Variants in SMARCB1 observed in about 807,000 individuals in gnomAD.
SMARCB1 encodes SWI/SNF related BAF chromatin remodeling complex subunit B1, also known as SWI/SNF-related matrix-associated actin-dependent regulator of chromatin subfamily B member 1.
SMARCB1 carries 5 observed loss-of-function variants against 49.0 expected under a neutral mutation model. That is an observed-to-expected ratio of 0.10 (90% CI 0.05 to 0.21). SMARCB1 has a LOEUF of 0.21. SMARCB1 is among the 10% of genes least tolerant of loss of function. The pLI is 1.00. For missense variants in SMARCB1, 226 were observed against 509.2 expected (o/e 0.44, Z 5.35); for synonymous variants, 201 against 200.1 (o/e 1.00, Z -0.04).
In SMARCB1 at chr22:23,787,125, T is replaced by G; in HGVS notation, c.-45T>G. The G allele has an allele frequency of 7.9e-7, 1 of 1,263,636 alleles. No homozygotes were observed. The allele number at this position is 1,263,636 out of a possible 1,614,324, so 78.3% of individuals were successfully genotyped here. On this transcript the variant is annotated 5_prime_UTR_variant, in exon 1 of 9. Transcript: ENST00000644036. Reference sequence around the variant, plus strand: ...CGCCCCGGCCCCGCCCCAGCCCTCCTGATCCCTCGCAGCCCGGCTCCGGCC... The same window carrying G: ...CGCCCCGGCCCCGCCCCAGCCCTCCGGATCCCTCGCAGCCCGGCTCCGGCC...
chr22:23,803,565 G>A (rs879051817), intron 5 of SMARCB1, 143 bp downstream of exon 5: 9 of 934,242 alleles, frequency 9.6e-6, no homozygotes, highest in East Asian at 2.6e-5. Flanking sequence ...GAGGGTGTGG[G>A]CTCTGGGTTC....
chr22:23,793,310 G>A (rs537270544), intron 2 of SMARCB1: 51 of 572,174 alleles, frequency 8.9e-5, no homozygotes, highest in African/African-American at 7.8e-4. Context: ...CCTCTGCCCC[G>A]AGCCAGTGCT....
chr22:23,808,469 G>C (rs1929654956), intron 5 of SMARCB1, among the ~76,000 whole-genome samples: 1 of 151,878 alleles, frequency 6.6e-6, no homozygotes, highest in Admixed American at 6.6e-5. Context: ...TGTTAGCCAG[G>C]ATGGTCTCGA....
At chr22:23,807,365 C>T (rs1367991684) in intron 5 of SMARCB1, among the ~76,000 whole-genome samples, 3 of 152,018 alleles carry the variant, frequency 2.0e-5, no homozygotes, top group African/African-American at 4.8e-5. Context: ...GGGCAGATCA[C>T]TTTACCCCGG....
At chr22:23,800,560 T>C (rs1329564983) in intron 3 of SMARCB1, among the ~76,000 whole-genome samples, 8 of 152,186 alleles carry the variant, frequency 5.3e-5, no homozygotes, top group Non-Finnish European at 1.2e-4. Flanking sequence ...TCCTTGCTGC[T>C]GCCCGTGCCC....
At chr22:23,812,636 T>G (rs934788729) in intron 5 of SMARCB1, among the ~76,000 whole-genome samples, 1 of 152,154 alleles carries the variant, frequency 6.6e-6, no homozygotes, top group African/African-American at 2.4e-5. Context: ...TGTGACCAAG[T>G]GGGATTTATT....
chr22:23,813,089 A>T (rs5760043), intron 5 of SMARCB1, among the ~76,000 whole-genome samples: 140,934 of 152,218 alleles, frequency 0.93, 65,389 homozygotes, highest in Middle Eastern at 0.97. Context: ...AATGTCTCGA[A>T]CTCCTGACCA....
intron 4 of SMARCB1, chr22:23,801,741 ATC>A (rs1471129438): frequency 5.2e-5 from 12 of 231,432 alleles, no homozygotes; most frequent in South Asian, 4.3e-4. Flanking sequence ...CTTCTGGTTA[ATC>A]TCTCAGGATC....
chr22:23,834,216 C>T lies in SMARCB1; in HGVS notation c.*36C>T, dbSNP rs2146045817. 3 of 1,564,474 alleles carry T rather than the reference C, an allele frequency of 1.9e-6. No individual in the cohort carries two copies. Among genetic ancestry groups the T allele is most frequent in the Non-Finnish European group, 2.6e-6 (3 of 1,153,800 alleles). ...AGCACACGGCTCCCACGGAGCATCT[C>T]AGAAGATTGGGCCGCCTCTCCTCCA... On this transcript the variant is annotated 3_prime_UTR_variant, in exon 9 of 9. Transcript: ENST00000644036.
chr22:23,814,093 G>A (rs1930038244), intron 5 of SMARCB1, among the ~76,000 whole-genome samples: 2 of 152,094 alleles, frequency 1.3e-5, no homozygotes, highest in South Asian at 4.1e-4. Context: ...GCCTCCCAAA[G>A]TGCTGGGATT....
In SMARCB1 at chr22:23,837,219, TGCCCCAG is replaced by T; in HGVS notation, c.*3045_*3051del. 6.3e-7 allele frequency: 1 copy of T among 1,577,506 alleles called. No homozygotes were observed. The highest frequency in any genetic ancestry group is 1.4e-5 in the African/African-American group (1 of 73,826). ...CCCAGAGTCCTAGACCAGCAGAGCC[TGCCCCAG>T]GCCCCCATCCACAGCCTGGTGGCCC... On this transcript the variant is annotated 3_prime_UTR_variant, in exon 9 of 9. Coordinates refer to ENST00000644036, the MANE Select transcript of SMARCB1 (RefSeq NM_003073.5).
chr22:23,798,574 C>T (rs1016914038), intron 3 of SMARCB1, among the ~76,000 whole-genome samples: 5 of 152,114 alleles, frequency 3.3e-5, no homozygotes, highest in Admixed American at 6.6e-5. Flanking sequence ...CCCCTACCAG[C>T]GATCAAGGGG....
At chr22:23,818,137 G>GTGTGT (rs2029884087) in intron 6 of SMARCB1, 2 of 132,924 alleles carry the variant, frequency 1.5e-5, no homozygotes, top group African/African-American at 6.0e-5. Context: ...AAATACTTTG[G>GTGTGT]GTGTGTGTGT....
chr22:23,791,388 C>CA (rs1204688119), intron 1 of SMARCB1, among the ~76,000 whole-genome samples: 2 of 152,166 alleles, frequency 1.3e-5, no homozygotes, highest in African/African-American at 4.8e-5. Flanking sequence ...GTAAAGATAT[C>CA]AAAGTCTTGT....
At chr22:23,829,164 G>C (rs1261027440) in intron 7 of SMARCB1, among the ~76,000 whole-genome samples, 1 of 152,214 alleles carries the variant, frequency 6.6e-6, no homozygotes, top group African/African-American at 2.4e-5. Context: ...TCCTGGCCAG[G>C]GACGGGAGGA....
chr22:23,836,678 G>A lies in SMARCB1; in HGVS notation c.*2498G>A, dbSNP rs1378984957. The A allele has an allele frequency of 7.7e-6, 10 of 1,301,670 alleles. No homozygotes were observed. Among genetic ancestry groups the A allele is most frequent in the Middle Eastern group, 2.8e-4 (1 of 3,570 alleles). 80.6% of individuals were successfully genotyped at this position (1,301,670 alleles called of 1,614,324 possible). On this transcript the variant is annotated 3_prime_UTR_variant, in exon 9 of 9. Transcript: ENST00000644036. Reference sequence around the variant, plus strand: ...GCCACACTGAGTGAGGACGGGGCAGGCATAGAAGGATGTGGCCAGGTGAGA... The same window carrying A: ...GCCACACTGAGTGAGGACGGGGCAGACATAGAAGGATGTGGCCAGGTGAGA...
At position 23,836,561 on chromosome 22, in the gene SMARCB1, C is replaced by G. The variant is rs1371211624; in HGVS notation, c.*2381C>G. 9.1e-7 allele frequency: 1 copy of G among 1,099,388 alleles called. No individual in the cohort carries two copies. The allele number at this position is 1,099,388 out of a possible 1,614,324, so 68.1% of individuals were successfully genotyped here. A position where few individuals can be genotyped will look rare whatever the true frequency, so the allele number is the denominator to read the frequency against. On this transcript the variant is annotated 3_prime_UTR_variant, in exon 9 of 9. Coordinates refer to ENST00000644036, the MANE Select transcript of SMARCB1 (RefSeq NM_003073.5). ...TGAGCTCAAAAGCTCTGCCTGGCAA[C>G]CTGTGAGCTCAAAGCTCTGCCAGGC...
chr22:23,807,961 ATTT>A (rs374625560), intron 5 of SMARCB1, among the ~76,000 whole-genome samples: 1 of 105,250 alleles, frequency 9.5e-6, no homozygotes. Flanking sequence ...CACCCGGCTA[ATTT>A]TTTTTTTTTT....
chr22:23,791,454 C>T (rs775470714), intron 1 of SMARCB1, among the ~76,000 whole-genome samples: 8 of 152,194 alleles, frequency 5.3e-5, no homozygotes, highest in Non-Finnish European at 8.8e-5. Flanking sequence ...TGCCAGAGAT[C>T]CTTAGTCCAA....
Sources: gnomAD v4.1 joint callset for allele counts (sites outside exome capture counted in the v4.1 genomes callset) on GRCh38, gnomAD v4.1.1 for gene constraint, MANE v1.5 for transcripts, NCBI Gene and HGNC (gene_info 2026-07-23, HGNC 2026-07-21) for gene names.